The following TXNDC11 variants were observed in gnomAD, a reference collection of about 807,000 sequenced individuals.
TXNDC11 encodes the protein thioredoxin domain containing 11, also known as thioredoxin domain-containing protein 11.
TXNDC11 carries 68 observed loss-of-function variants against 78.0 expected under a neutral mutation model. That is an observed-to-expected ratio of 0.87 (90% CI 0.72 to 1.07). TXNDC11 has a LOEUF of 1.07. Among genes scored for constraint, TXNDC11 ranks in the 50% least tolerant of loss-of-function variants. The pLI, the probability that TXNDC11 is intolerant of heterozygous loss-of-function variation, is 0.00. For synonymous variants in TXNDC11, 571 were observed against 495.2 expected, an observed-to-expected ratio of 1.15 and a Z score of -2.03; for missense variants, 1,389 against 1,221.8, an observed-to-expected ratio of 1.14 and a Z score of -2.04.
intron 5 of TXNDC11, among the ~76,000 whole-genome samples, chr16:11,708,802 C>T (rs1016153882): frequency 6.6e-6 from 1 of 152,146 alleles, no homozygotes; most frequent in Non-Finnish European, 1.5e-5. Context: ...TAGTACCTTC[C>T]ATCTGTTGGG....
At chr16:11,724,436 T>C (rs149588007) in intron 4 of TXNDC11, among the ~76,000 whole-genome samples, 122 of 152,304 alleles carry the variant, frequency 8.0e-4, no homozygotes, top group Admixed American at 6.1e-3. Flanking sequence ...CTCAGTCCTA[T>C]TCCCTTTCCA....
intron 6 of TXNDC11, 130 bp downstream of exon 6, chr16:11,700,322 T>A: frequency 4.2e-6 from 2 of 472,754 alleles, no homozygotes; most frequent in South Asian, 9.4e-5. Context: ...GAACTCTCCA[T>A]CCATATATAA....
Position 11,688,944 on chromosome 16 carries a change from G to A in TXNDC11, c.1901-499C>T, listed in dbSNP as rs200466036. 1.8e-4 allele frequency among the ~76,000 whole-genome samples: 27 copies of A among 152,048 alleles called. No individual in the cohort carries two copies. The East Asian group carries it at 5.2e-3, about 29-fold the overall frequency. On this transcript the variant is annotated intron_variant, in intron 8 of 11. Coordinates refer to ENST00000283033, the MANE Select transcript of TXNDC11 (RefSeq NM_015914.7). The stretch of plus-strand genomic sequence containing the variant: ...GGTTCTTTAAGTTTCTTTTTTTAAA[G>A]GTTAAGAAAAAATTATATGTAGTGG...
rs755394874 is a variant in TXNDC11, at chr16:11,721,602, G to A, written c.768C>T (p.Thr256=). The change falls in exon 5 of 12, where the codon ACC becomes ACT. Residue 256 remains threonine (T), a synonymous_variant. Coordinates refer to ENST00000283033, the MANE Select transcript of TXNDC11 (RefSeq NM_015914.7). ...CTTTCTTTAATGAATGTAATGCTGA[G>A]GTGAAGAAGGTCAAATAACCAGGAG... ...PQPPGYLTFF[T]SALHSLKKDY... is the part of the protein sequence containing the mutation. 1.2e-6 allele frequency: 2 copies of A among 1,609,990 alleles called. No individual in the cohort carries two copies. The highest frequency in any genetic ancestry group is 8.5e-7 in the Non-Finnish European group (1 of 1,176,934).
intron 6 of TXNDC11, among the ~76,000 whole-genome samples, chr16:11,699,992 C>T (rs2050966783): frequency 6.6e-6 from 1 of 152,214 alleles, no homozygotes; most frequent in South Asian, 2.1e-4. Context: ...GAGAAGCCAT[C>T]AACTTCTCAC....
At chr16:11,734,710 G>A (rs1333373061) in intron 2 of TXNDC11, among the ~76,000 whole-genome samples, 1 of 152,198 alleles carries the variant, frequency 6.6e-6, no homozygotes, top group Non-Finnish European at 1.5e-5. Context: ...TGCCCAACAT[G>A]GGCAACGTGA....
chr16:11,721,563 GAATC>G lies in TXNDC11; in HGVS notation c.793+10_793+13del. ...TACTGAAGTAACAATGTCTTAATAT[GAATC>G]ATTTTTTACCTTTCTTTAATGAATG... On this transcript the variant is annotated intron_variant, in intron 5 of 11. Transcript: ENST00000283033. The G allele has an allele frequency of 6.8e-7, 1 of 1,478,752 alleles. No individual in the cohort carries two copies. The highest frequency in any genetic ancestry group is 1.2e-5 in the South Asian group (1 of 86,840). The allele number at this position is 1,478,752 out of a possible 1,614,324, so 91.6% of individuals were successfully genotyped here.
rs187571110 is a variant in TXNDC11 at position 11,689,318 on chromosome 16, G to A, written c.1901-873C>T. Among the ~76,000 whole-genome samples, 249 of 152,170 alleles carry A rather than the reference G, an allele frequency of 1.6e-3. 3 individuals are homozygous for A. The highest frequency in any genetic ancestry group is 6.0e-3 in the South Asian group (29 of 4,822). On this transcript the variant is annotated intron_variant, in intron 8 of 11. Transcript: ENST00000283033. The stretch of plus-strand genomic sequence containing the variant: ...TTTGAGGTGCAATGGGCAATGCAGC[G>A]TGCAGAATGGAAGAGGAAGTGAAGA...
intron 11 of TXNDC11, among the ~76,000 whole-genome samples, chr16:11,680,673 G>C (rs2050400452): frequency 6.6e-6 from 1 of 152,138 alleles, no homozygotes; most frequent in Non-Finnish European, 1.5e-5. Flanking sequence ...TTAGGTATGA[G>C]GTGGGCCGGC....
intron 5 of TXNDC11, among the ~76,000 whole-genome samples, chr16:11,703,509 T>TACACACACATACAC (rs1555485367): frequency 6.9e-6 from 1 of 144,938 alleles, no homozygotes; most frequent in Non-Finnish European, 1.5e-5. Context: ...AGGCTTTTGA[T>TACACACACATACAC]ACACACACAC....
intron 5 of TXNDC11, among the ~76,000 whole-genome samples, chr16:11,711,882 G>A (rs1416449914): frequency 6.6e-6 from 1 of 152,202 alleles, no homozygotes; most frequent in East Asian, 1.9e-4. Context: ...TTCAGGTAAA[G>A]TGCCTGGCTC....
At chr16:11,715,403 A>G (rs763483163) in intron 5 of TXNDC11, among the ~76,000 whole-genome samples, 9 of 151,168 alleles carry the variant, frequency 6.0e-5, no homozygotes, top group Non-Finnish European at 1.0e-4. Flanking sequence ...GCTTGAGCCC[A>G]TGAGTTCAAG....
At chr16:11,689,389 A>G (rs1025854867) in intron 8 of TXNDC11, among the ~76,000 whole-genome samples, 12 of 152,368 alleles carry the variant, frequency 7.9e-5, no homozygotes, top group Admixed American at 7.2e-4. Flanking sequence ...CATCTGAGAA[A>G]CACTTAGTTG....
chr16:11,679,891 C>A lies in TXNDC11; in HGVS notation c.2235-54G>T. 6.7e-7 allele frequency: 1 copy of A among 1,494,444 alleles called. No individual in the cohort carries two copies. The highest frequency in any genetic ancestry group is 9.2e-7 in the Non-Finnish European group (1 of 1,092,462). The allele number at this position is 1,494,444 out of a possible 1,614,324, so 92.6% of individuals were successfully genotyped here. ...CAGGAGTCACACCAACACAATGAGT[C>A]CAAAAGCAGGCTGTACCTGAGGCCA... On this transcript the variant is annotated intron_variant, in intron 11 of 11. Coordinates refer to ENST00000283033, the MANE Select transcript of TXNDC11 (RefSeq NM_015914.7). This position sits in a 1 kb window ranked among gnomAD's most constrained non-coding sequence, Gnocchi z 4.6.
intron 10 of TXNDC11, among the ~76,000 whole-genome samples, chr16:11,685,685 C>A (rs1191971158): frequency 6.6e-6 from 1 of 151,696 alleles, no homozygotes; most frequent in African/African-American, 2.4e-5. Context: ...ACAACAGCAA[C>A]AAAAGGCATA....
chr16:11,731,840 C>T (rs1024011792), intron 3 of TXNDC11, among the ~76,000 whole-genome samples: 3 of 152,108 alleles, frequency 2.0e-5, no homozygotes, highest in African/African-American at 4.8e-5. Flanking sequence ...AATAATTCTA[C>T]CAAATCAAGA....
rs1273440041 is a variant in TXNDC11, at chr16:11,733,965, A to G, written c.569+17T>C. 3.2e-6 allele frequency: 5 copies of G among 1,558,630 alleles called. No homozygotes were observed. In the African/African-American group the frequency reaches 5.4e-5, roughly 17 times the overall value. On this transcript the variant is annotated intron_variant, in intron 3 of 11. Coordinates refer to ENST00000283033, the MANE Select transcript of TXNDC11 (RefSeq NM_015914.7). ...AAACTAAACTGGAATGAGAGACGCT[A>G]TTTAAAAAGTTCTTACCTCCGATGA... is the stretch of plus-strand genomic sequence containing the variant.
rs2050735224 is a variant in TXNDC11, at chr16:11,692,011, C to T, written c.1179G>A (p.Leu393=). 6.4e-7 allele frequency: 1 copy of T among 1,571,688 alleles called. No individual in the cohort carries two copies. The highest frequency in any genetic ancestry group is 8.6e-7 in the Non-Finnish European group (1 of 1,157,868). The change falls in exon 8 of 12, where the codon CTG becomes CTA. Residue 393 remains leucine, a synonymous_variant. Coordinates refer to ENST00000283033, the MANE Select transcript of TXNDC11 (RefSeq NM_015914.7). The stretch of plus-strand genomic sequence containing the variant: ...CCAGCACTGGAGCATCCACCCGCCG[C>T]AGGTGCTGAAGGAGACGCTCCACCA... ...DQVVERLLQH[L]RRVDAPVLES...
At chr16:11,707,175 C>T (rs1313109882) in intron 5 of TXNDC11, among the ~76,000 whole-genome samples, 1 of 151,804 alleles carries the variant, frequency 6.6e-6, no homozygotes, top group East Asian at 1.9e-4. Context: ...ACCTGTAACC[C>T]CAGCACTTTG....
Sources: gnomAD v4.1 joint callset for allele counts (sites outside exome capture counted in the v4.1 genomes callset) on GRCh38, gnomAD v4.1.1 for gene constraint, Gnocchi (gnomAD v3.1) non-coding constraint, MANE v1.5 for transcripts, NCBI Gene and HGNC (gene_info 2026-07-23, HGNC 2026-07-21) for gene names.